The following TKTL1 variants were observed in gnomAD, a reference collection of about 807,000 sequenced individuals.
TKTL1 encodes transketolase-like protein 1.
TKTL1 carries 1 observed loss-of-function variant against 39.3 expected under a neutral mutation model. The observed-to-expected ratio is 0.03, with a 90% CI of 0.01 to 0.12. TKTL1 has a LOEUF of 0.12. Among genes scored for constraint, TKTL1 ranks in the 10% least tolerant of loss-of-function variants. The pLI is 1.00. For missense variants in TKTL1, 575 were observed against 509.6 expected, an observed-to-expected ratio of 1.13 and a Z score of -1.24; for synonymous variants, 262 against 193.8, an observed-to-expected ratio of 1.35 and a Z score of -2.92.
At chrX:154,329,384 C>G (rs2067519382) in intron 12 of TKTL1, 132 bp from the exon 13 acceptor site, 1 of 631,586 alleles carries the variant, frequency 1.6e-6, no homozygotes, top group Non-Finnish European at 2.5e-6. Context: ...ACTCCGCAGG[C>G]CCATCGGAGT....
intron 2 of TKTL1, among the ~76,000 whole-genome samples, chrX:154,307,582 T>C (rs1386541156): frequency 8.9e-6 from 1 of 112,467 alleles, no homozygotes; most frequent in African/African-American, 3.2e-5. Context: ...CTCACCATTT[T>C]CTCAATCTAT....
In TKTL1 at chrX:154,312,722, C is replaced by T. The variant is rs781989014; in HGVS notation, c.813C>T (p.Asn271=). The change falls in exon 6 of 13, where the codon AAC becomes AAT. Residue 271 remains asparagine, a synonymous_variant. Transcript: ENST00000369915. ...CCATTGAGGACTCACCTGAAGTCAA[C>T]ATCACAGATGTAAGGATGACCTCTC... The part of the protein sequence containing the change: ...QPPIEDSPEV[N]ITDVRMTSPP... 1.7e-6 allele frequency: 2 copies of T among 1,211,274 alleles called. No individual in the cohort carries two copies. The highest frequency in any genetic ancestry group is 3.0e-5 in the East Asian group (1 of 33,856).
At position 154,307,124 on chromosome X, in the gene TKTL1, T is replaced by C. The variant is rs781870977; in HGVS notation, c.252+1703T>C. On this transcript the variant is annotated intron_variant, in intron 2 of 12. Transcript: ENST00000369915. The stretch of plus-strand genomic sequence containing the variant: ...CCAGTGTCTACAAAAAATACGAAAA[T>C]TAGCTGGGCGTGGTGGTGCGTGCCT... Among the ~76,000 whole-genome samples the C allele has an allele frequency of 2.6e-4, 28 of 109,640 alleles. 1 individual carries two copies. The highest frequency in any genetic ancestry group is 9.8e-4 in the Admixed American group (10 of 10,226).
intron 2 of TKTL1, among the ~76,000 whole-genome samples, chrX:154,306,173 G>A (rs2067313655): frequency 1.8e-5 from 2 of 111,152 alleles, no homozygotes; most frequent in African/African-American, 6.6e-5. Flanking sequence ...GCTAGGCATG[G>A]TAGCACATGC....
chrX:154,319,228 AGTGATCTTTCATG>A (rs2067429457), intron 7 of TKTL1, among the ~76,000 whole-genome samples: 1 of 112,629 alleles, frequency 8.9e-6, no homozygotes. Context: ...AAAATCACAT[AGTGATCTTTCATG>A]TAAAGTTGTT....
At chrX:154,315,040 G>T in intron 6 of TKTL1, 133 bp from the exon 7 acceptor site, 1 of 686,711 alleles carries the variant, frequency 1.5e-6, no homozygotes, top group Non-Finnish European at 2.1e-6. Flanking sequence ...GGAAATTTTT[G>T]GTGAGTCACG....
chrX:154,316,322 G>T lies in TKTL1; in HGVS notation c.1029+985G>T, dbSNP rs370443109. On this transcript the variant is annotated intron_variant, in intron 7 of 12. Coordinates refer to ENST00000369915, the MANE Select transcript of TKTL1 (RefSeq NM_012253.4). ...CCTGACCTCGTGATCCGTCCGCCTC[G>T]GCCTCCCAAAGTGCTGGGATTACAG... 3.7e-3 allele frequency among the ~76,000 whole-genome samples: 413 copies of T among 110,897 alleles called. 1 individual carries two copies. Among genetic ancestry groups the T allele is most frequent in the African/African-American group, 0.013 (403 of 30,462 alleles).
At chrX:154,315,917 A>G (rs1032314390) in intron 7 of TKTL1, among the ~76,000 whole-genome samples, 11 of 111,196 alleles carry the variant, frequency 9.9e-5, no homozygotes, top group African/African-American at 3.6e-4. Flanking sequence ...ACACAAGCGC[A>G]CCCCTCTGGA....
intron 1 of TKTL1, among the ~76,000 whole-genome samples, chrX:154,297,446 C>T (rs1162091136): frequency 2.7e-5 from 3 of 109,914 alleles, no homozygotes; most frequent in South Asian, 4.0e-4. Flanking sequence ...TTAGTGGAGA[C>T]GGGGTTTCCC....
intron 12 of TKTL1, among the ~76,000 whole-genome samples, chrX:154,328,813 C>G (rs1211166768): frequency 2.7e-5 from 3 of 110,672 alleles, no homozygotes; most frequent in African/African-American, 6.6e-5. Context: ...CACAGTTGCT[C>G]TCACACCTGA....
intron 1 of TKTL1, chrX:154,305,051 C>T: frequency 9.0e-7 from 1 of 1,114,450 alleles, no homozygotes. Flanking sequence ...GTCAGAGGCA[C>T]AAAGGAAACT....
intron 1 of TKTL1, 116 bp downstream of exon 1, chrX:154,296,109 T>C: frequency 1.0e-6 from 1 of 983,953 alleles, no homozygotes; most frequent in East Asian, 3.1e-5. Context: ...CAATGGGCTG[T>C]GTCGTAATGC....
chrX:154,296,060 C>A (rs1177266416), intron 1 of TKTL1, 67 bp downstream of exon 1: 1 of 1,154,237 alleles, frequency 8.7e-7, no homozygotes. Flanking sequence ...GGCCTGGTGG[C>A]CATGAGGCCG....
Position 154,312,696 on chromosome X carries a change from C to G in TKTL1, c.787C>G (p.Pro263Ala). 8.3e-7 allele frequency: 1 copy of G among 1,211,538 alleles called. No homozygotes were observed. Among genetic ancestry groups the G allele is most frequent in the Non-Finnish European group, 1.1e-6 (1 of 895,336 alleles). Residue 263 changes from proline to alanine, a missense_variant, in exon 6 of 13, where the codon CCC (proline) becomes GCC (alanine). Physicochemically the swap from Pro to Ala is conservative, Grantham distance 27. Transcript: ENST00000369915. ...CAGCAGGAATCTTGACCCACAGCCC[C>G]CCATTGAGGACTCACCTGAAGTCAA... The part of the protein sequence containing the change: ...QTSRNLDPQP[P>A]IEDSPEVNIT...
intron 7 of TKTL1, among the ~76,000 whole-genome samples, chrX:154,318,714 A>AG: frequency 9.3e-6 from 1 of 107,200 alleles, no homozygotes; most frequent in East Asian, 2.9e-4. Context: ...TCTCAAAAAA[A>AG]AAAAAAAAAA....
rs782495187 is a variant in TKTL1 at position 154,329,691 on chromosome X, T to G, written c.*3T>G. On this transcript the variant is annotated 3_prime_UTR_variant, in exon 13 of 13. Transcript: ENST00000369915. ...TGAAATGCATGTTGCTGAACTAAAA[T>G]AGCTGTTAGCTTTGGTCTTTTGGCC... is the stretch of plus-strand genomic sequence containing the variant. 3.3e-6 allele frequency: 4 copies of G among 1,206,037 alleles called. No individual in the cohort carries two copies. The African/African-American group carries it at 7.0e-5, about 21-fold the overall frequency.
chrX:154,323,570 G>C (rs781838442), intron 9 of TKTL1, among the ~76,000 whole-genome samples: 2 of 112,417 alleles, frequency 1.8e-5, no homozygotes, highest in Admixed American at 1.9e-4. Context: ...GTCTCAGTCA[G>C]GGTTTAGCAG....
intron 1 of TKTL1, among the ~76,000 whole-genome samples, chrX:154,300,585 T>A (rs1569550763): frequency 1.8e-5 from 2 of 112,182 alleles, no homozygotes; most frequent in African/African-American, 6.5e-5. Context: ...GCTTGGTCGT[T>A]GTTGGTGTAG....
chrX:154,329,764 T>C lies in TKTL1; in HGVS notation c.*76T>C. The C allele has an allele frequency of 2.8e-6, 3 of 1,089,740 alleles. No individual in the cohort carries two copies. Among genetic ancestry groups the C allele is most frequent in the Non-Finnish European group, 2.5e-6 (2 of 802,553 alleles). The allele number at this position is 1,089,740 out of a possible 1,213,427, so 89.8% of individuals were successfully genotyped here. A position where few individuals can be genotyped will look rare whatever the true frequency, so the allele number is the denominator to read the frequency against. On this transcript the variant is annotated 3_prime_UTR_variant, in exon 13 of 13. Transcript: ENST00000369915. ...GTTCCAAAACCATCATTTAAATCTC[T>C]ACTGTCACATTTTGTTTCTTAAAAG...
Sources: allele counts gnomAD v4.1 joint callset (sites outside exome capture counted in the v4.1 genomes callset), GRCh38; gene constraint gnomAD v4.1.1; transcripts MANE v1.5; gene names NCBI Gene and HGNC (gene_info 2026-07-23, HGNC 2026-07-21).